Variants in PRR5L observed in about 807,000 individuals in gnomAD.
PRR5L encodes proline-rich protein 5-like.
In PRR5L, 21 loss-of-function variants were observed where a neutral mutation model predicts 36.4. The observed-to-expected ratio is 0.58, with a 90% CI of 0.41 to 0.83. The LOEUF is 0.83. Ranked by LOEUF, PRR5L falls within the 40% of genes least tolerant of loss-of-function variation. The pLI is 0.00. For missense variants in PRR5L, 381 were observed against 473.3 expected (o/e 0.80, Z 1.81); for synonymous variants, 188 against 197.0 (o/e 0.95, Z 0.38).
chr11:36,334,034 T>G (rs1007392126), intron 1 of PRR5L, among the ~76,000 whole-genome samples: 5 of 152,170 alleles, frequency 3.3e-5, no homozygotes, highest in Admixed American at 2.0e-4. Flanking sequence ...GGGTAGCATC[T>G]GGTTTCCAGG....
At chr11:36,390,517 A>T (rs2133542270) in intron 1 of PRR5L, among the ~76,000 whole-genome samples, 1 of 152,190 alleles carries the variant, frequency 6.6e-6, no homozygotes, top group East Asian at 1.9e-4. Flanking sequence ...TTCTCATGAG[A>T]TGTGTTACCT....
At chr11:36,451,081 A>G in intron 7 of PRR5L, 128 bp from the exon 8 acceptor site, 1 of 1,152,960 alleles carries the variant, frequency 8.7e-7, no homozygotes, top group Non-Finnish European at 1.3e-6. Flanking sequence ...TCCTAACTGC[A>G]AGGATGCTGC....
chr11:36,338,933 G>A (rs758629707), intron 1 of PRR5L, among the ~76,000 whole-genome samples: 31 of 152,226 alleles, frequency 2.0e-4, no homozygotes, highest in Non-Finnish European at 2.9e-4. Flanking sequence ...CGTCTTTCCC[G>A]TGCTATTCTC....
intron 3 of PRR5L, among the ~76,000 whole-genome samples, chr11:36,404,279 T>TTTGTTTTTG (rs1564938229): frequency 2.6e-5 from 4 of 150,962 alleles, no homozygotes; most frequent in South Asian, 2.1e-4. Flanking sequence ...TTTTTTTTTT[T>TTTGTTTTTG]TTTTTTTTTT....
At chr11:36,368,477 T>C (rs1194655113) in intron 1 of PRR5L, among the ~76,000 whole-genome samples, 1 of 152,238 alleles carries the variant, frequency 6.6e-6, no homozygotes, top group Non-Finnish European at 1.5e-5. Flanking sequence ...GAGTTCACTT[T>C]GAACAGCGAT....
At chr11:36,416,170 C>A (rs775425945) in intron 3 of PRR5L, among the ~76,000 whole-genome samples, 2 of 150,982 alleles carry the variant, frequency 1.3e-5, no homozygotes, top group African/African-American at 2.5e-5. Context: ...TATTTTGCTG[C>A]AATGAAAAAC....
intron 4 of PRR5L, among the ~76,000 whole-genome samples, chr11:36,429,499 T>G (rs1031798270): frequency 2.0e-5 from 3 of 152,038 alleles, no homozygotes; most frequent in African/African-American, 7.2e-5. Context: ...CATGCCTCAG[T>G]TCCCCCTATC....
chr11:36,416,157 C>G (rs74685021), intron 3 of PRR5L, among the ~76,000 whole-genome samples: 7,608 of 151,830 alleles, frequency 0.05, 270 homozygotes, highest in Non-Finnish European at 0.077. Flanking sequence ...ATGTTGATTT[C>G]TATATTTTGC....
chr11:36,409,556 T>C (rs964953101), intron 3 of PRR5L, among the ~76,000 whole-genome samples: 1 of 152,142 alleles, frequency 6.6e-6, no homozygotes, highest in Non-Finnish European at 1.5e-5. Flanking sequence ...TCCATCTCTT[T>C]AACAGAGTGT....
intron 1 of PRR5L, among the ~76,000 whole-genome samples, chr11:36,340,824 A>G (rs16928697): frequency 0.048 from 7,342 of 152,170 alleles, 549 homozygotes; most frequent in African/African-American, 0.16. Flanking sequence ...GTTTTTCTTT[A>G]TTGCTCTAAA....
intron 1 of PRR5L, among the ~76,000 whole-genome samples, chr11:36,390,929 G>C (rs117122008): frequency 6.6e-6 from 1 of 152,154 alleles, no homozygotes; most frequent in Admixed American, 6.5e-5. Context: ...GAGTTTGACC[G>C]ATCATTATCT....
intron 1 of PRR5L, among the ~76,000 whole-genome samples, chr11:36,317,040 G>A: frequency 6.6e-6 from 1 of 152,198 alleles, no homozygotes; most frequent in Admixed American, 6.5e-5. Context: ...TTCACTCCTA[G>A]TCTAGACTAA....
chr11:36,353,392 A>T (rs1323649084), intron 1 of PRR5L, among the ~76,000 whole-genome samples: 1 of 152,216 alleles, frequency 6.6e-6, no homozygotes, highest in Admixed American at 6.5e-5. Context: ...TCATTCATTT[A>T]GAATGAAATG....
chr11:36,407,787 T>C (rs1309557101), intron 3 of PRR5L, among the ~76,000 whole-genome samples: 1 of 152,248 alleles, frequency 6.6e-6, no homozygotes, highest in Non-Finnish European at 1.5e-5. Context: ...AGATGTTTTA[T>C]GTAACTGAGT....
intron 1 of PRR5L, among the ~76,000 whole-genome samples, chr11:36,315,010 A>G (rs1161578243): frequency 6.6e-6 from 1 of 152,184 alleles, no homozygotes; most frequent in Non-Finnish European, 1.5e-5. Context: ...ATAACTATAT[A>G]GCAGAATCCT....
rs957618107 is a variant in PRR5L at position 36,376,937 on chromosome 11, C to T, written c.-125-24060C>T. Among the ~76,000 whole-genome samples, 5 of 152,192 alleles carry T rather than the reference C, an allele frequency of 3.3e-5. No homozygotes were observed. In the East Asian group the frequency reaches 9.7e-4, roughly 30 times the overall value. ...GCGTAGGGGATCTTACTCGAGACCA[C>T]CATGGTGGGGAGGTGGGCAGGCCAC... On this transcript the variant is annotated intron_variant, in intron 1 of 8. Coordinates refer to ENST00000530639, the MANE Select transcript of PRR5L (RefSeq NM_001160167.2).
At chr11:36,317,113 G>A (rs1359901140) in intron 1 of PRR5L, among the ~76,000 whole-genome samples, 2 of 152,202 alleles carry the variant, frequency 1.3e-5, no homozygotes, top group African/African-American at 4.8e-5. Context: ...GCTAGCATCT[G>A]GGTTGATGAA....
In PRR5L at chr11:36,303,081, A is replaced by G. The variant is rs1012304689; in HGVS notation, c.-126+6643A>G. Among the ~76,000 whole-genome samples, 10 of 152,276 alleles carry G rather than the reference A, an allele frequency of 6.6e-5. No homozygotes were observed. The East Asian group carries it at 1.7e-3, about 26-fold the overall frequency. ...AATCGCAAGGCAACACTGCCTCTTG[A>G]GTTTAGTCTCTCTGTGTGGAGAAGG... On this transcript the variant is annotated intron_variant, in intron 1 of 8. Transcript: ENST00000530639.
At chr11:36,408,281 CA>C (rs67856480) in intron 3 of PRR5L, among the ~76,000 whole-genome samples, 25,110 of 137,920 alleles carry the variant, frequency 0.18, 2,724 homozygotes, top group African/African-American at 0.34. Context: ...GAATTTGTCT[CA>C]AAAAAAAAAA....
Sources: gnomAD v4.1 joint callset for allele counts (sites outside exome capture counted in the v4.1 genomes callset) on GRCh38, gnomAD v4.1.1 for gene constraint, MANE v1.5 for transcripts, NCBI Gene and HGNC (gene_info 2026-07-23, HGNC 2026-07-21) for gene names.